PCSK5: variants seen among roughly 807,000 people sequenced by gnomAD.
PCSK5 encodes the protein prohormone convertase 5.
Under a neutral mutation model 233.2 loss-of-function variants are expected in PCSK5, and 129 were observed. That is an observed-to-expected ratio of 0.55 (90% CI 0.48 to 0.64). PCSK5 has a LOEUF of 0.64. Among genes scored for constraint, PCSK5 ranks in the 30% least tolerant of loss-of-function variants. PCSK5 has a pLI of 0.00. For missense variants in PCSK5, 2,076 were observed against 2,430.1 expected (o/e 0.85, Z 3.06); for synonymous variants, 825 against 879.2 (o/e 0.94, Z 1.09).
At chr9:75,897,425 C>T (rs1413675734) in intron 1 of PCSK5, among the ~76,000 whole-genome samples, 1 of 151,358 alleles carries the variant, frequency 6.6e-6, no homozygotes, top group Admixed American at 6.6e-5. Flanking sequence ...CTCCCATCTC[C>T]TGTTGGACAG....
At chr9:75,933,800 A>G (rs2131285744) in intron 2 of PCSK5, among the ~76,000 whole-genome samples, 1 of 152,354 alleles carries the variant, frequency 6.6e-6, no homozygotes, top group Non-Finnish European at 1.5e-5. Context: ...CATTTGGGAC[A>G]TTCATGAATT....
intron 36 of PCSK5, among the ~76,000 whole-genome samples, chr9:76,353,318 ACT>A (rs1830216030): frequency 6.6e-6 from 1 of 151,982 alleles, no homozygotes; most frequent in African/African-American, 2.4e-5. Context: ...TCATCTCTCC[ACT>A]CTCTTCCCAA....
chr9:76,244,018 G>C (rs1350809558), intron 24 of PCSK5, among the ~76,000 whole-genome samples: 1 of 152,208 alleles, frequency 6.6e-6, no homozygotes, highest in East Asian at 1.9e-4. Flanking sequence ...GAGCCCAGGA[G>C]TTTGAGACCA....
At chr9:76,323,958 TCTCA>T (rs1829286906) in intron 32 of PCSK5, among the ~76,000 whole-genome samples, 1 of 133,974 alleles carries the variant, frequency 7.5e-6, no homozygotes, top group African/African-American at 2.9e-5. Context: ...TGAGACAGAG[TCTCA>T]CTCTGTTGGC....
chr9:76,320,870 A>G (rs556886682), intron 30 of PCSK5, among the ~76,000 whole-genome samples: 1 of 150,394 alleles, frequency 6.6e-6, no homozygotes, highest in East Asian at 2.0e-4. Flanking sequence ...GTTGGAGTGC[A>G]GTGGCATGAT....
intron 2 of PCSK5, among the ~76,000 whole-genome samples, chr9:75,969,546 T>C (rs1825731739): frequency 6.6e-6 from 1 of 152,162 alleles, no homozygotes; most frequent in South Asian, 2.1e-4. Context: ...GGTCTCCAGC[T>C]TTCTACTTTC....
At chr9:76,214,059 A>G (rs1825429095) in intron 20 of PCSK5, among the ~76,000 whole-genome samples, 1 of 152,188 alleles carries the variant, frequency 6.6e-6, no homozygotes, top group African/African-American at 2.4e-5. Context: ...TCCTCGGGGA[A>G]GAGTATAATC....
intron 1 of PCSK5, among the ~76,000 whole-genome samples, chr9:75,919,130 C>G (rs1239970907): frequency 6.6e-6 from 1 of 152,190 alleles, no homozygotes; most frequent in Admixed American, 6.5e-5. Context: ...TTTTGCCTCA[C>G]CTCTCACCTC....
At chr9:76,104,059 T>C (rs539542659) in intron 8 of PCSK5, among the ~76,000 whole-genome samples, 1 of 152,304 alleles carries the variant, frequency 6.6e-6, no homozygotes, top group South Asian at 2.1e-4. Context: ...TTGTGATTAA[T>C]GGGGATATTC....
intron 35 of PCSK5, among the ~76,000 whole-genome samples, chr9:76,346,996 A>AC (rs1829998076): frequency 6.6e-6 from 1 of 152,124 alleles, no homozygotes; most frequent in Non-Finnish European, 1.5e-5. Context: ...TCTGTAACTG[A>AC]CACCTCCATA....
chr9:76,065,840 G>A (rs1235564590), intron 5 of PCSK5, among the ~76,000 whole-genome samples: 4 of 151,926 alleles, frequency 2.6e-5, no homozygotes, highest in East Asian at 1.9e-4. Flanking sequence ...GATGGGGGTG[G>A]GGGGTAATAG....
intron 3 of PCSK5, among the ~76,000 whole-genome samples, chr9:76,011,374 G>A (rs1827724118): frequency 6.6e-6 from 1 of 152,140 alleles, no homozygotes; most frequent in African/African-American, 2.4e-5. Context: ...CATCTTCCTT[G>A]CAAGCAACTT....
chr9:75,930,192 G>A (rs796915508), intron 1 of PCSK5, among the ~76,000 whole-genome samples: 5 of 152,242 alleles, frequency 3.3e-5, no homozygotes, highest in African/African-American at 1.2e-4. Flanking sequence ...ACTACCATGA[G>A]AACAGTATGG....
chr9:76,093,077 T>C (rs1433573438), intron 7 of PCSK5, among the ~76,000 whole-genome samples: 3 of 145,380 alleles, frequency 2.1e-5, no homozygotes, highest in Non-Finnish European at 4.5e-5. Context: ...TTTTTGTCTT[T>C]CCCTTTTTTT....
At chr9:75,928,616 T>TATATATAC (rs1457967704) in intron 1 of PCSK5, among the ~76,000 whole-genome samples, 1 of 111,478 alleles carries the variant, frequency 9.0e-6, no homozygotes, top group East Asian at 2.3e-4. Flanking sequence ...TATATATATA[T>TATATATAC]ATATATATAT....
At chr9:75,912,099 AAAAAG>A (rs1822765549) in intron 1 of PCSK5, among the ~76,000 whole-genome samples, 1 of 150,426 alleles carries the variant, frequency 6.6e-6, no homozygotes, top group African/African-American at 2.5e-5. Context: ...GAGAAGAAGA[AAAAAG>A]AACAACAAAA....
intron 20 of PCSK5, among the ~76,000 whole-genome samples, chr9:76,213,606 C>T (rs1308385012): frequency 6.6e-6 from 1 of 152,036 alleles, no homozygotes; most frequent in Non-Finnish European, 1.5e-5. Flanking sequence ...TTTAGTCTCC[C>T]TTGACCAGGG....
At chr9:76,092,718 C>T (rs1831345749) in intron 7 of PCSK5, among the ~76,000 whole-genome samples, 1 of 152,218 alleles carries the variant, frequency 6.6e-6, no homozygotes, top group South Asian at 2.1e-4. Flanking sequence ...ATAATATAAA[C>T]TTGGATTGTG....
At chr9:76,284,590 T>C (rs1827999528) in intron 24 of PCSK5, among the ~76,000 whole-genome samples, 1 of 145,384 alleles carries the variant, frequency 6.9e-6, no homozygotes, top group Admixed American at 7.4e-5. Flanking sequence ...TGGAGTGCAA[T>C]GGCGCGATCT....
Sources: gnomAD v4.1 joint callset for allele counts (sites outside exome capture counted in the v4.1 genomes callset) on GRCh38, gnomAD v4.1.1 for gene constraint, MANE v1.5 for transcripts, NCBI Gene and HGNC (gene_info 2026-07-23, HGNC 2026-07-21) for gene names.